Variants in GABRA2 observed in about 807,000 individuals in gnomAD.
GABRA2 encodes the protein gamma-aminobutyric acid receptor subunit alpha-2.
Under a neutral mutation model 48.7 loss-of-function variants are expected in GABRA2, and 16 were observed. The ratio of observed to expected loss-of-function variants is 0.33; its 90% CI spans 0.22 to 0.50. The LOEUF is 0.50. Ranked by LOEUF, GABRA2 falls within the 20% of genes least tolerant of loss-of-function variation. The probability of loss-of-function intolerance (pLI) is 0.98; values close to 1 mark genes in which losing one functional copy is unlikely to be tolerated. For synonymous variants in GABRA2, 185 were observed against 184.5 expected (o/e 1.00, Z -0.02); for missense variants, 275 against 535.6 (o/e 0.51, Z 4.80).
intron 8 of GABRA2, among the ~76,000 whole-genome samples, chr4:46,274,272 T>C (rs1008382136): frequency 9.2e-5 from 14 of 152,080 alleles, no homozygotes; most frequent in Non-Finnish European, 2.9e-5. Flanking sequence ...GTAGTAGAGA[T>C]TAGATACAAA....
At chr4:46,346,567 G>A (rs1036700736) in intron 3 of GABRA2, among the ~76,000 whole-genome samples, 6 of 149,434 alleles carry the variant, frequency 4.0e-5, no homozygotes, top group South Asian at 2.1e-4. Flanking sequence ...CTTTTAAAAC[G>A]TGTTGCATAT....
chr4:46,345,768 C>T (rs948580694), intron 3 of GABRA2, among the ~76,000 whole-genome samples: 7 of 151,926 alleles, frequency 4.6e-5, no homozygotes, highest in Non-Finnish European at 1.0e-4. Flanking sequence ...GAGGCAACTA[C>T]AAACATCCTT....
chr4:46,335,954 C>T (rs1376611068), intron 3 of GABRA2, among the ~76,000 whole-genome samples: 1 of 152,114 alleles, frequency 6.6e-6, no homozygotes, highest in Non-Finnish European at 1.5e-5. Flanking sequence ...CTCATTTTTG[C>T]TCTCTGACAC....
chr4:46,285,325 G>A (rs1033379482), intron 8 of GABRA2, among the ~76,000 whole-genome samples: 2 of 151,954 alleles, frequency 1.3e-5, no homozygotes, highest in African/African-American at 2.4e-5. Context: ...TATTCAAATA[G>A]TCTGGATTTT....
chr4:46,287,262 G>C (rs942457159), intron 8 of GABRA2, among the ~76,000 whole-genome samples: 1 of 146,298 alleles, frequency 6.8e-6, no homozygotes, highest in African/African-American at 2.5e-5. Flanking sequence ...AAATCAGTTG[G>C]CAGGTAGCGT....
chr4:46,333,318 A>C (rs889645790), intron 3 of GABRA2, among the ~76,000 whole-genome samples: 2 of 152,128 alleles, frequency 1.3e-5, no homozygotes, highest in African/African-American at 4.8e-5. Flanking sequence ...AAATTATGTA[A>C]CATAATAACT....
intron 1 of GABRA2, chr4:46,388,922 CTTTCTTTCTTTT>C (rs1488817645): frequency 6.8e-6 from 5 of 739,574 alleles, no homozygotes; most frequent in Non-Finnish European, 5.7e-6. Context: ...CTTTCTGTTT[CTTTCTTTCTTTT>C]TTTCTTTCTT....
At chr4:46,304,021 T>C (rs986705798) in intron 7 of GABRA2, among the ~76,000 whole-genome samples, 1 of 152,156 alleles carries the variant, frequency 6.6e-6, no homozygotes, top group African/African-American at 2.4e-5. Context: ...AAGGTTTTTT[T>C]GTTTTTTTTT....
rs544922555 is a variant in GABRA2, at chr4:46,250,998, G to T, written c.1060-394C>A. ...AGAGGAATGATAATCTACAATGAAT[G>T]ATCCCACATTTCTAGCTTAGTAACA... On this transcript the variant is annotated intron_variant, in intron 9 of 9. Coordinates refer to ENST00000381620, the MANE Select transcript of GABRA2 (RefSeq NM_000807.4). Among the ~76,000 whole-genome samples the T allele has an allele frequency of 5.9e-5, 9 of 151,698 alleles. No homozygotes were observed. In the East Asian group the frequency reaches 1.6e-3, roughly 26 times the overall value.
At chr4:46,305,487 A>T in intron 7 of GABRA2, 81 bp downstream of exon 7, 1 of 1,296,234 alleles carries the variant, frequency 7.7e-7, no homozygotes, top group Non-Finnish European at 1.1e-6. Context: ...AAAAGATTTT[A>T]AGCAATCTGA....
At chr4:46,268,143 A>G (rs995612430) in intron 8 of GABRA2, among the ~76,000 whole-genome samples, 3 of 151,984 alleles carry the variant, frequency 2.0e-5, no homozygotes, top group African/African-American at 4.8e-5. Context: ...AGTTCGGGTA[A>G]TGATTTTTTA....
chr4:46,299,643 G>C (rs1725380461), intron 8 of GABRA2, among the ~76,000 whole-genome samples: 2 of 150,334 alleles, frequency 1.3e-5, no homozygotes, highest in Admixed American at 1.3e-4. Context: ...GCTTTGCGTT[G>C]CTTATTACAT....
At chr4:46,303,730 C>T in intron 7 of GABRA2, 118 bp from the exon 8 acceptor site, 1 of 786,988 alleles carries the variant, frequency 1.3e-6, no homozygotes, top group Non-Finnish European at 2.0e-6. Context: ...ATATCACATA[C>T]ATGTCAGGAA....
At chr4:46,265,427 T>TATATATATATA (rs1717955836) in intron 8 of GABRA2, among the ~76,000 whole-genome samples, 1 of 107,734 alleles carries the variant, frequency 9.3e-6, no homozygotes, top group African/African-American at 7.9e-5. Context: ...ATATATTGTG[T>TATATATATATA]ATATATATAT....
chr4:46,372,979 AGATTTTG>A lies in GABRA2; in HGVS notation c.187+13088_187+13094del, dbSNP rs530939680. ...ACCTGCCCAATTTCCTTGTGTTGATAGATTTTGCTTAACATCCCAGCTGTTCCAATGA... is the reference window on the plus strand; with the variant it reads ...ACCTGCCCAATTTCCTTGTGTTGATACTTAACATCCCAGCTGTTCCAATGA... On this transcript the variant is annotated intron_variant, in intron 3 of 9. Coordinates refer to ENST00000381620, the MANE Select transcript of GABRA2 (RefSeq NM_000807.4). Among the ~76,000 whole-genome samples, 17 of 152,310 alleles carry A rather than the reference AGATTTTG, an allele frequency of 1.1e-4. No individual in the cohort carries two copies. In the South Asian group the frequency reaches 3.5e-3, roughly 32 times the overall value.
At chr4:46,319,042 G>T (rs1414222036) in intron 4 of GABRA2, among the ~76,000 whole-genome samples, 2 of 151,612 alleles carry the variant, frequency 1.3e-5, no homozygotes, top group Admixed American at 6.6e-5. Flanking sequence ...AAATGTTTTT[G>T]CCACTACTAA....
At chr4:46,303,101 CA>C in intron 8 of GABRA2, 1 of 209,892 alleles carries the variant, frequency 4.8e-6, no homozygotes. Flanking sequence ...ATTGAAAATA[CA>C]TAGTAGGTGT....
At chr4:46,380,939 T>C (rs1292690065) in intron 3 of GABRA2, among the ~76,000 whole-genome samples, 2 of 152,164 alleles carry the variant, frequency 1.3e-5, no homozygotes, top group African/African-American at 4.8e-5. Context: ...AGACTCTAAG[T>C]CTGTGTTCAG....
intron 3 of GABRA2, among the ~76,000 whole-genome samples, chr4:46,340,022 T>C (rs887496620): frequency 9.2e-5 from 14 of 151,790 alleles, no homozygotes; most frequent in African/African-American, 2.9e-4. Flanking sequence ...TTATTCTAAC[T>C]CTTAGGTCAC....
Sources: gnomAD v4.1 joint callset for allele counts (sites outside exome capture counted in the v4.1 genomes callset) on GRCh38, gnomAD v4.1.1 for gene constraint, MANE v1.5 for transcripts, NCBI Gene and HGNC (gene_info 2026-07-23, HGNC 2026-07-21) for gene names.